ECT2L: variants seen among roughly 807,000 people sequenced by gnomAD.
The protein encoded by ECT2L is epithelial cell transforming 2 like.
A neutral mutation model predicts 122.8 loss-of-function variants in ECT2L; 126 were observed. The observed-to-expected ratio is 1.03, with a 90% CI of 0.89 to 1.19. The LOEUF (loss-of-function observed/expected upper bound fraction) is 1.19, where lower values mean the gene tolerates loss of function less well. ECT2L is among the 50% of genes most tolerant of loss of function. ECT2L has a pLI of 0.00. For synonymous variants in ECT2L, 385 were observed against 381.8 expected (o/e 1.01, Z -0.10); for missense variants, 1,012 against 1,064.1 (o/e 0.95, Z 0.68).
chr6:138,825,433 C>G (rs1322448524), intron 4 of ECT2L, among the ~76,000 whole-genome samples: 2 of 151,654 alleles, frequency 1.3e-5, no homozygotes, highest in Non-Finnish European at 2.9e-5. Flanking sequence ...TACAAAAATA[C>G]TAGCCAGGTG....
intron 1 of ECT2L, among the ~76,000 whole-genome samples, chr6:138,808,150 C>G (rs1040714386): frequency 6.6e-6 from 1 of 152,132 alleles, no homozygotes; most frequent in Non-Finnish European, 1.5e-5. Flanking sequence ...GATGTATACT[C>G]TTCTTTAGGT....
At chr6:138,867,178 T>C (rs1778074236) in intron 12 of ECT2L, among the ~76,000 whole-genome samples, 1 of 152,246 alleles carries the variant, frequency 6.6e-6, no homozygotes, top group Non-Finnish European at 1.5e-5. Context: ...GTCTTACATT[T>C]AAATTTATTG....
chr6:138,902,421 ATT>A (rs1477954475), intron 21 of ECT2L, 77 bp from the exon 22 acceptor site: 1 of 1,372,730 alleles, frequency 7.3e-7, no homozygotes, highest in Non-Finnish European at 1.0e-6. Flanking sequence ...AAAGATGATG[ATT>A]TTTGAGTATT....
chr6:138,889,729 C>A (rs1197509000), intron 20 of ECT2L, among the ~76,000 whole-genome samples: 1 of 152,132 alleles, frequency 6.6e-6, no homozygotes, highest in Non-Finnish European at 1.5e-5. Context: ...TTATTGAGGT[C>A]AGTTTTTAAA....
chr6:138,798,860 A>T (rs1162870490), intron 1 of ECT2L, among the ~76,000 whole-genome samples: 1 of 152,226 alleles, frequency 6.6e-6, no homozygotes, highest in East Asian at 1.9e-4. Context: ...ATAATCGCTG[A>T]GTCTTGGCCA....
chr6:138,849,414 G>C lies in ECT2L; in HGVS notation c.1049G>C (p.Arg350Thr), dbSNP rs745789234. 16 of 1,613,534 alleles carry C rather than the reference G, an allele frequency of 9.9e-6. No homozygotes were observed. Among genetic ancestry groups the C allele is most frequent in the Admixed American group, 1.7e-5 (1 of 59,886 alleles). Residue 350 changes from arginine (R) to threonine (T), a missense_variant, in exon 9 of 22, where the codon AGA becomes ACA. Arg to Thr is a moderately conservative substitution (Grantham distance 71). Coordinates refer to ENST00000541398, the MANE Select transcript of ECT2L (RefSeq NM_001077706.3). ...SIGIFSDGDS[R>T]EINLLQGYKI... ...GGAATATTTAGCGATGGAGACAGCA[G>C]AGAAATCAATTTACTCCAAGGTAGG...
chr6:138,843,397 T>G (rs868825909), intron 6 of ECT2L, among the ~76,000 whole-genome samples, 166 bp downstream of exon 6: 82 of 152,324 alleles, frequency 5.4e-4, no homozygotes, highest in African/African-American at 1.8e-3. Context: ...TTCAAGTTAA[T>G]TGATGAGAAA....
intron 7 of ECT2L, among the ~76,000 whole-genome samples, chr6:138,845,915 C>G (rs770050539): frequency 3.3e-5 from 5 of 150,562 alleles, no homozygotes; most frequent in Non-Finnish European, 7.4e-5. Flanking sequence ...TCCCCCCACC[C>G]AAAAAAAAAT....
chr6:138,876,005 G>C (rs1292149260), intron 13 of ECT2L, among the ~76,000 whole-genome samples: 3 of 152,138 alleles, frequency 2.0e-5, no homozygotes, highest in African/African-American at 7.2e-5. Context: ...CTGTAAGCCT[G>C]CTACTCAGGA....
At chr6:138,850,214 C>T (rs992309055) in intron 9 of ECT2L, among the ~76,000 whole-genome samples, 1 of 152,026 alleles carries the variant, frequency 6.6e-6, no homozygotes, top group African/African-American at 2.4e-5. Context: ...AATCTCAGCT[C>T]ACTGCAACCT....
At chr6:138,833,505 A>C (rs1776719677) in intron 4 of ECT2L, among the ~76,000 whole-genome samples, 1 of 152,148 alleles carries the variant, frequency 6.6e-6, no homozygotes, top group East Asian at 1.9e-4. Context: ...GCAACTCAGG[A>C]GTTGCACAGA....
intron 9 of ECT2L, 139 bp downstream of exon 9, chr6:138,849,573 C>CT (rs761157171): frequency 0.019 from 9,717 of 509,574 alleles, 3 homozygotes; most frequent in Middle Eastern, 0.023. Context: ...AAAAGCGAAG[C>CT]TTTTTTTTTT....
Position 138,881,119 on chromosome 6 carries a change from G to T in ECT2L, c.1828G>T (p.Ala610Ser). The T allele has an allele frequency of 6.2e-7, 1 of 1,614,136 alleles. No individual in the cohort carries two copies. Among genetic ancestry groups the T allele is most frequent in the Non-Finnish European group, 8.5e-7 (1 of 1,180,018 alleles). The change falls in exon 15 of 22, where the codon GCC (alanine) becomes TCC (serine). Residue 610 changes from alanine (A) to serine (S), a missense_variant. Transcript: ENST00000541398. ...LSSNRAILSA[A>S]NIQIIFCDIL... is the part of the protein sequence containing the mutation. ...ATCAAACAGAGCGATTCTGAGTGCT[G>T]CCAATATCCAGATCATTTTCTGTGA...
At chr6:138,838,215 A>C (rs980292604) in intron 4 of ECT2L, 137 bp from the exon 5 acceptor site, 47 of 952,990 alleles carry the variant, frequency 4.9e-5, no homozygotes, top group Middle Eastern at 3.5e-4. Context: ...AAATTTTTTA[A>C]ATCTAGATTT....
chr6:138,822,424 G>A (rs529772514), intron 4 of ECT2L, among the ~76,000 whole-genome samples: 41 of 152,256 alleles, frequency 2.7e-4, no homozygotes, highest in Non-Finnish European at 4.1e-4. Flanking sequence ...GTGCTGTGGC[G>A]TGTGCCTGTG....
intron 13 of ECT2L, among the ~76,000 whole-genome samples, chr6:138,872,380 T>C (rs1320579043): frequency 6.6e-6 from 1 of 152,190 alleles, no homozygotes; most frequent in East Asian, 1.9e-4. Context: ...TTCCTGCCTT[T>C]GTGGAGGATG....
chr6:138,814,669 T>A, intron 4 of ECT2L, 66 bp downstream of exon 4: 1 of 996,576 alleles, frequency 1.0e-6, no homozygotes, highest in Non-Finnish European at 1.5e-6. Context: ...AATGTTTATA[T>A]AACCTTTAAG....
At position 138,838,286 on chromosome 6, in the gene ECT2L, T is replaced by C. The variant is rs1055108083; in HGVS notation, c.180-66T>C. The C allele has an allele frequency of 4.5e-5, 62 of 1,376,524 alleles. No homozygotes were observed. In the East Asian group the frequency reaches 1.4e-3, roughly 32 times the overall value. 85.3% of individuals were successfully genotyped at this position (1,376,524 alleles called of 1,614,324 possible). On this transcript the variant is annotated intron_variant, in intron 4 of 21. Coordinates refer to ENST00000541398, the MANE Select transcript of ECT2L (RefSeq NM_001077706.3). The stretch of plus-strand genomic sequence containing the variant: ...ATTGGAGGAAGATCAATGACCAATA[T>C]TTATGCTGACTTTTTAGTAAATTTT...
intron 4 of ECT2L, among the ~76,000 whole-genome samples, chr6:138,831,473 C>A (rs1340128088): frequency 1.3e-5 from 2 of 152,240 alleles, no homozygotes; most frequent in Non-Finnish European, 2.9e-5. Flanking sequence ...CACCTTCATC[C>A]AGCTCCTCAG....
Sources: gnomAD v4.1 joint callset for allele counts (sites outside exome capture counted in the v4.1 genomes callset) on GRCh38, gnomAD v4.1.1 for gene constraint, MANE v1.5 for transcripts, NCBI Gene and HGNC (gene_info 2026-07-23, HGNC 2026-07-21) for gene names.